AFF3: variants seen among roughly 807,000 people sequenced by gnomAD.
AFF3 encodes AF4/FMR2 family member 3.
A neutral mutation model predicts 129.7 loss-of-function variants in AFF3; 32 were observed. The ratio of observed to expected loss-of-function variants is 0.25; its 90% CI spans 0.19 to 0.33. The LOEUF is 0.33. Among genes scored for constraint, AFF3 ranks in the 10% least tolerant of loss-of-function variants. AFF3 has a pLI of 1.00. For missense variants in AFF3, 1,373 were observed against 1,592.0 expected (o/e 0.86, Z 2.34); for synonymous variants, 644 against 635.4 (o/e 1.01, Z -0.20).
chr2:99,846,130 C>T (rs1689703797), intron 7 of AFF3, among the ~76,000 whole-genome samples: 1 of 149,794 alleles, frequency 6.7e-6, no homozygotes, highest in Non-Finnish European at 1.5e-5. Context: ...CCATACTCAG[C>T]CTATGTATTT....
Position 99,548,500 on chromosome 2 carries a change from G to A in AFF3, c.*2974C>T, listed in dbSNP as rs1264987008. Reference sequence around the variant, plus strand: ...CATGGTGGCTCATGCACTTTGGGAGGCCGAGGCCAAAGGATCGCTTGAGCC... The same window carrying A: ...CATGGTGGCTCATGCACTTTGGGAGACCGAGGCCAAAGGATCGCTTGAGCC... On this transcript the variant is annotated 3_prime_UTR_variant, in exon 25 of 25. Coordinates refer to ENST00000672756, the MANE Select transcript of AFF3 (RefSeq NM_001386135.1). The A allele has an allele frequency of 5.1e-6, 1 of 197,522 alleles. No individual in the cohort carries two copies. Among genetic ancestry groups the A allele is most frequent in the Non-Finnish European group, 1.0e-5 (1 of 95,328 alleles). The allele number at this position is 197,522 out of a possible 1,614,324, so 12.2% of individuals were successfully genotyped here.
At chr2:99,995,957 T>C (rs574177410) in intron 7 of AFF3, among the ~76,000 whole-genome samples, 2 of 152,336 alleles carry the variant, frequency 1.3e-5, no homozygotes, top group African/African-American at 4.8e-5. Context: ...ATGAGAATTG[T>C]TTGCTCATTT....
At chr2:99,816,569 G>T (rs941203711) in intron 8 of AFF3, among the ~76,000 whole-genome samples, 2 of 152,164 alleles carry the variant, frequency 1.3e-5, no homozygotes, top group Non-Finnish European at 1.5e-5. Flanking sequence ...ACTGCTATCT[G>T]CTTGGCTATG....
chr2:99,822,263 C>G (rs1005794525), intron 8 of AFF3, among the ~76,000 whole-genome samples: 1 of 143,414 alleles, frequency 7.0e-6, no homozygotes, highest in African/African-American at 2.6e-5. Flanking sequence ...GATAAGAGGT[C>G]CAAGACACAT....
chr2:99,582,078 C>T (rs1401074773), intron 17 of AFF3, among the ~76,000 whole-genome samples: 1 of 152,062 alleles, frequency 6.6e-6, no homozygotes, highest in Non-Finnish European at 1.5e-5. Flanking sequence ...TGGTCTTGAA[C>T]TCCTGACCTC....
intron 8 of AFF3, among the ~76,000 whole-genome samples, chr2:99,795,228 A>C (rs1284277181): frequency 1.3e-5 from 2 of 152,160 alleles, no homozygotes; most frequent in African/African-American, 4.8e-5. Context: ...GAATGAAATC[A>C]TGTCTTTTGC....
At chr2:99,570,729 T>C (rs1173979065) in intron 18 of AFF3, among the ~76,000 whole-genome samples, 1 of 152,312 alleles carries the variant, frequency 6.6e-6, no homozygotes, top group Non-Finnish European at 1.5e-5. Flanking sequence ...TTAATCATAT[T>C]GCTTACTCAC....
At chr2:99,669,548 T>C (rs1202468677) in intron 12 of AFF3, among the ~76,000 whole-genome samples, 1 of 152,240 alleles carries the variant, frequency 6.6e-6, no homozygotes, top group African/African-American at 2.4e-5. Flanking sequence ...GGAAAGTGGT[T>C]ATTCTTCTGC....
At chr2:99,716,856 C>G (rs967087698) in intron 11 of AFF3, among the ~76,000 whole-genome samples, 12 of 148,962 alleles carry the variant, frequency 8.1e-5, no homozygotes, top group Non-Finnish European at 4.4e-5. Flanking sequence ...GCACTCCAGC[C>G]TGGGTGACAG....
At chr2:100,039,638 G>A (rs113913925) in intron 4 of AFF3, among the ~76,000 whole-genome samples, 13 of 152,134 alleles carry the variant, frequency 8.5e-5, no homozygotes, top group African/African-American at 1.7e-4. Context: ...AATCTTCTGC[G>A]TGGGTCCATA....
intron 7 of AFF3, among the ~76,000 whole-genome samples, chr2:99,899,420 G>A (rs886970451): frequency 1.3e-5 from 2 of 152,204 alleles, no homozygotes; most frequent in African/African-American, 4.8e-5. Context: ...TGGAATCACT[G>A]TAATATCAGA....
chr2:99,923,085 A>G (rs1480366549), intron 7 of AFF3, among the ~76,000 whole-genome samples: 1 of 152,200 alleles, frequency 6.6e-6, no homozygotes, highest in Non-Finnish European at 1.5e-5. Context: ...CTTTGGAAGA[A>G]CTGAAAACTA....
At chr2:99,708,985 A>G (rs1677659279) in intron 11 of AFF3, among the ~76,000 whole-genome samples, 1 of 152,238 alleles carries the variant, frequency 6.6e-6, no homozygotes, top group African/African-American at 2.4e-5. Flanking sequence ...AATTCAAAGA[A>G]TAATACAAGA....
At chr2:99,872,868 A>T (rs185681049) in intron 7 of AFF3, among the ~76,000 whole-genome samples, 1 of 152,104 alleles carries the variant, frequency 6.6e-6, no homozygotes, top group African/African-American at 2.4e-5. Flanking sequence ...TAGTTGTCAA[A>T]CTCCTGGTGG....
At chr2:100,133,780 A>C (rs533843258) in intron 1 of AFF3, among the ~76,000 whole-genome samples, 15 of 152,052 alleles carry the variant, frequency 9.9e-5, no homozygotes, top group Non-Finnish European at 2.2e-4. Flanking sequence ...AACATACACA[A>C]AAATTACCCA....
chr2:99,570,075 G>T (rs1198126583), intron 18 of AFF3, among the ~76,000 whole-genome samples: 1 of 152,100 alleles, frequency 6.6e-6, no homozygotes, highest in African/African-American at 2.4e-5. Context: ...CCATCCCCAT[G>T]CCCCCCTCTG....
At chr2:99,733,115 C>CA (rs1204670658) in intron 10 of AFF3, among the ~76,000 whole-genome samples, 2 of 152,048 alleles carry the variant, frequency 1.3e-5, no homozygotes, top group African/African-American at 4.8e-5. Flanking sequence ...CGCGGTAGTT[C>CA]ATGCCTGTAA....
chr2:99,782,665 C>A (rs918328769), intron 8 of AFF3, among the ~76,000 whole-genome samples: 8 of 152,174 alleles, frequency 5.3e-5, no homozygotes, highest in African/African-American at 1.9e-4. Flanking sequence ...GATATTTGAC[C>A]ACTTTGACTG....
intron 8 of AFF3, among the ~76,000 whole-genome samples, chr2:99,830,058 T>C (rs191579041): frequency 1.5e-3 from 229 of 152,028 alleles, no homozygotes; most frequent in African/African-American, 5.0e-3. Context: ...CACTTATAAG[T>C]GGGAGTTGAA....
Sources: allele counts gnomAD v4.1 joint callset (sites outside exome capture counted in the v4.1 genomes callset), GRCh38; gene constraint gnomAD v4.1.1; transcripts MANE v1.5; gene names NCBI Gene and HGNC (gene_info 2026-07-23, HGNC 2026-07-21).